Variants in CEP112 observed in about 807,000 individuals in gnomAD.
CEP112 encodes the protein centrosomal protein 112.
Under a neutral mutation model 153.0 loss-of-function variants are expected in CEP112, and 127 were observed. The observed-to-expected ratio is 0.83, with a 90% CI of 0.72 to 0.96. The LOEUF (loss-of-function observed/expected upper bound fraction) is 0.96. Among genes scored for constraint, CEP112 ranks in the 40% least tolerant of loss-of-function variants. CEP112 has a pLI of 0.00. For missense variants in CEP112, 1,089 were observed against 1,101.2 expected (o/e 0.99, Z 0.16); for synonymous variants, 358 against 374.4 (o/e 0.96, Z 0.51).
Position 66,005,736 on chromosome 17 carries a change from T to G in CEP112, c.1690A>C (p.Lys564Gln). Residue 564 changes from lysine to glutamine, a missense_variant, in exon 17 of 27, where the codon AAA becomes CAA. Coordinates refer to ENST00000535342, the MANE Select transcript of CEP112 (RefSeq NM_001199165.4). ...HDLQSELDKGKEDTQKKIHKF... is the reference protein window; with the variant it reads ...HDLQSELDKGQEDTQKKIHKF... The stretch of plus-strand genomic sequence containing the variant: ...TGAATTTTCTTTTGAGTATCTTCTT[T>G]TCCTTTATCAAGTTCACTCTGCAAG... 1 of 1,609,752 alleles carries G rather than the reference T, an allele frequency of 6.2e-7. No individual in the cohort carries two copies. The highest frequency in any genetic ancestry group is 1.1e-5 in the South Asian group (1 of 90,272).
chr17:65,965,532 TTTTTC>T (rs2144824712), intron 17 of CEP112, among the ~76,000 whole-genome samples: 2 of 149,902 alleles, frequency 1.3e-5, no homozygotes, highest in African/African-American at 2.5e-5. Context: ...TTTTTTTTTT[TTTTTC>T]TTTGAGACAG....
intron 23 of CEP112, among the ~76,000 whole-genome samples, chr17:65,693,746 C>T (rs954658742): frequency 6.6e-6 from 1 of 152,168 alleles, no homozygotes; most frequent in Non-Finnish European, 1.5e-5. Flanking sequence ...TTGCTAGACA[C>T]TATCCGTGCC....
intron 4 of CEP112, among the ~76,000 whole-genome samples, chr17:66,155,440 G>T (rs1214588341): frequency 6.6e-6 from 1 of 151,930 alleles, no homozygotes; most frequent in African/African-American, 2.4e-5. Flanking sequence ...CAGGGCCCTG[G>T]GTTTCAAGCA....
intron 19 of CEP112, among the ~76,000 whole-genome samples, chr17:65,910,310 C>T (rs2060237951): frequency 6.6e-6 from 1 of 152,114 alleles, no homozygotes; most frequent in Non-Finnish European, 1.5e-5. Flanking sequence ...AAAGAGAATT[C>T]ATGAATATTA....
chr17:66,072,929 A>G (rs958908282), intron 8 of CEP112, among the ~76,000 whole-genome samples: 1 of 152,198 alleles, frequency 6.6e-6, no homozygotes, highest in Admixed American at 6.5e-5. Flanking sequence ...AAGACAGTAT[A>G]AGGATGCAGA....
chr17:65,969,433 T>C (rs2062550209), intron 17 of CEP112, among the ~76,000 whole-genome samples: 3 of 152,182 alleles, frequency 2.0e-5, no homozygotes, highest in Admixed American at 1.3e-4. Context: ...TACATGTACA[T>C]TACATGCATA....
At chr17:65,999,206 T>C (rs2063913401) in intron 17 of CEP112, among the ~76,000 whole-genome samples, 1 of 151,126 alleles carries the variant, frequency 6.6e-6, no homozygotes, top group Non-Finnish European at 1.5e-5. Flanking sequence ...TCTTTTTTTT[T>C]TTTTTTTTGA....
At chr17:65,848,202 A>C (rs1297853691) in intron 21 of CEP112, among the ~76,000 whole-genome samples, 41 of 152,158 alleles carry the variant, frequency 2.7e-4, no homozygotes, top group Admixed American at 2.7e-3. Flanking sequence ...TCTTTCTTTT[A>C]ACATCGTATT....
chr17:66,062,340 T>C (rs2066956754), intron 11 of CEP112, among the ~76,000 whole-genome samples: 1 of 150,934 alleles, frequency 6.6e-6, no homozygotes, highest in South Asian at 2.1e-4. Context: ...TAATGCACAG[T>C]AGAGTGATTA....
At chr17:66,021,576 G>A (rs557639705) in intron 16 of CEP112, among the ~76,000 whole-genome samples, 22 of 152,298 alleles carry the variant, frequency 1.4e-4, no homozygotes, top group Admixed American at 3.9e-4. Flanking sequence ...AAGAGTGAGA[G>A]GTGGGTCCCC....
At chr17:66,110,212 C>G (rs1370236647) in intron 6 of CEP112, among the ~76,000 whole-genome samples, 2 of 151,690 alleles carry the variant, frequency 1.3e-5, no homozygotes, top group African/African-American at 4.8e-5. Context: ...CACATCTGTA[C>G]TCCCAGCTAC....
intron 17 of CEP112, among the ~76,000 whole-genome samples, chr17:65,988,154 T>G (rs1025978036): frequency 3.3e-5 from 5 of 152,142 alleles, no homozygotes; most frequent in African/African-American, 1.2e-4. Flanking sequence ...TCAGGACAGG[T>G]GGCACTCTGA....
chr17:66,167,784 T>C (rs557093729), intron 4 of CEP112, among the ~76,000 whole-genome samples: 2 of 152,358 alleles, frequency 1.3e-5, no homozygotes, highest in East Asian at 3.9e-4. Flanking sequence ...TTCCTGAAGC[T>C]GTTATCTTGT....
rs550818707 is a variant in CEP112, at chr17:66,034,757, T to C, written c.1219-4734A>G. Among the ~76,000 whole-genome samples the C allele has an allele frequency of 3.9e-5, 6 of 152,062 alleles. No individual in the cohort carries two copies. The East Asian group carries it at 5.8e-4, about 15-fold the overall frequency. On this transcript the variant is annotated intron_variant, in intron 12 of 26. Coordinates refer to ENST00000535342, the MANE Select transcript of CEP112 (RefSeq NM_001199165.4). ...TGTGACCTCAGCTATCTGTATATCATTGAACAAAGTAACAGTGATAAAGTG... is the reference window on the plus strand; with the variant it reads ...TGTGACCTCAGCTATCTGTATATCACTGAACAAAGTAACAGTGATAAAGTG...
At chr17:65,668,708 C>G (rs1171580572) in intron 24 of CEP112, among the ~76,000 whole-genome samples, 1 of 152,132 alleles carries the variant, frequency 6.6e-6, no homozygotes, top group African/African-American at 2.4e-5. Flanking sequence ...CTTTCTTTTC[C>G]ATGTTTGTTA....
intron 19 of CEP112, among the ~76,000 whole-genome samples, chr17:65,909,565 G>A (rs761689032): frequency 6.6e-6 from 1 of 152,182 alleles, no homozygotes; most frequent in Non-Finnish European, 1.5e-5. Context: ...TTACCAACAG[G>A]AGAATAACCA....
intron 23 of CEP112, among the ~76,000 whole-genome samples, chr17:65,740,940 T>C (rs2051096944): frequency 6.6e-6 from 1 of 152,216 alleles, no homozygotes; most frequent in Non-Finnish European, 1.5e-5. Context: ...AGGTTCATTT[T>C]GGCACTTGGT....
At chr17:65,705,564 T>C (rs1352896336) in intron 23 of CEP112, among the ~76,000 whole-genome samples, 2 of 152,052 alleles carry the variant, frequency 1.3e-5, no homozygotes, top group African/African-American at 4.8e-5. Flanking sequence ...AAGTGTTCAA[T>C]TGAGAGAACA....
chr17:65,909,393 C>T (rs939553687), intron 19 of CEP112, among the ~76,000 whole-genome samples: 4 of 152,004 alleles, frequency 2.6e-5, no homozygotes, highest in Admixed American at 2.6e-4. Context: ...TTATATTTGT[C>T]CTACAACTCA....
Sources: gnomAD v4.1 joint callset for allele counts (sites outside exome capture counted in the v4.1 genomes callset) on GRCh38, gnomAD v4.1.1 for gene constraint, MANE v1.5 for transcripts, NCBI Gene and HGNC (gene_info 2026-07-23, HGNC 2026-07-21) for gene names.